Variants in NR1I2 observed in about 807,000 individuals in gnomAD.
NR1I2 encodes the protein orphan nuclear receptor PAR1.
A neutral mutation model predicts 43.3 loss-of-function variants in NR1I2; 42 were observed. The observed-to-expected ratio is 0.97, with a 90% CI of 0.76 to 1.26. The LOEUF (loss-of-function observed/expected upper bound fraction) is 1.26, where lower values mean the gene tolerates loss of function less well. NR1I2 is among the 50% of genes most tolerant of loss of function. The pLI, the probability that NR1I2 is intolerant of heterozygous loss-of-function variation, is 0.00. For synonymous variants in NR1I2, 229 were observed against 215.0 expected, an observed-to-expected ratio of 1.06 and a Z score of -0.57; for missense variants, 559 against 566.7, an observed-to-expected ratio of 0.99 and a Z score of 0.14.
Position 119,787,478 on chromosome 3 carries a change from T to C in NR1I2, c.-23+5178T>C, listed in dbSNP as rs555383327. Among the ~76,000 whole-genome samples, 7 of 152,144 alleles carry C rather than the reference T, an allele frequency of 4.6e-5. No individual in the cohort carries two copies. The South Asian group carries it at 1.2e-3, about 27-fold the overall frequency. On this transcript the variant is annotated intron_variant, in intron 1 of 8. Transcript: ENST00000393716. ...ATGAAGTTGTAATTTTGAAATCATT[T>C]TGTAAACAGCAAAACTTGTGCAAAT... is the stretch of plus-strand genomic sequence containing the variant.
chr3:119,815,857 C>G (rs978735145), intron 8 of NR1I2, 26 bp downstream of exon 8: 3 of 1,563,636 alleles, frequency 1.9e-6, no homozygotes, highest in African/African-American at 2.7e-5. Flanking sequence ...GGTGAGGACC[C>G]GTGAGGGTGA....
rs1164809663 is a variant in NR1I2 at position 119,782,133 on chromosome 3, G to A, written c.-190G>A. On this transcript the variant is annotated 5_prime_UTR_variant, in exon 1 of 9. Coordinates refer to ENST00000393716, the MANE Select transcript of NR1I2 (RefSeq NM_003889.4). ...TCAGTGGGAATCTCGGCCTCAGCCT[G>A]CAAGCCAAGTGTTCACAGTGAGAAA... 2 of 152,446 alleles carry A rather than the reference G, an allele frequency of 1.3e-5. No individual in the cohort carries two copies. The highest frequency in any genetic ancestry group is 2.4e-5 in the African/African-American group (1 of 41,452). 9.4% of individuals were successfully genotyped at this position (152,446 alleles called of 1,614,324 possible). A position where few individuals can be genotyped will look rare whatever the true frequency, so the allele number is the denominator to read the frequency against.
intron 1 of NR1I2, among the ~76,000 whole-genome samples, chr3:119,799,134 C>G (rs2055041568): frequency 6.6e-6 from 1 of 152,150 alleles, no homozygotes; most frequent in Non-Finnish European, 1.5e-5. Context: ...TCTTAAGTGG[C>G]TGCACCATTT....
In NR1I2 at chr3:119,815,393, TG is replaced by T; in HGVS notation, c.1009del (p.Glu337ArgfsTer6). On this transcript the variant is annotated frameshift_variant, in exon 7 of 9. Coordinates refer to ENST00000393716, the MANE Select transcript of NR1I2 (RefSeq NM_003889.4). LOFTEE classifies it high-confidence loss of function. ...ACATGCTGAAGAAGCTGCAGCTGCA[TG>T]AGGAGGAGTATGTGCTGATGCAGGC... 1.2e-6 allele frequency: 2 copies of T among 1,613,606 alleles called. No homozygotes were observed. Among genetic ancestry groups the T allele is most frequent in the South Asian group, 2.2e-5 (2 of 91,068 alleles).
At chr3:119,806,497 G>T (rs373523812) in intron 1 of NR1I2, among the ~76,000 whole-genome samples, 2 of 151,928 alleles carry the variant, frequency 1.3e-5, no homozygotes, top group East Asian at 1.9e-4. Flanking sequence ...TGTTGCCCAG[G>T]CTGGTCTCAG....
chr3:119,793,439 G>A (rs1354769864), intron 1 of NR1I2, among the ~76,000 whole-genome samples: 2 of 152,134 alleles, frequency 1.3e-5, no homozygotes, highest in African/African-American at 4.8e-5. Context: ...TGGGCCAAGC[G>A]ATCCCAACTC....
At position 119,814,992 on chromosome 3, in the gene NR1I2, G is replaced by A. The variant is rs765752068; in HGVS notation, c.808G>A (p.Glu270Lys). ...CCTTGCTGCCAGGGACTTGCCCATC[G>A]AGGACCAGATCTCCCTGCTGAAGGG... Residue 270 changes from glutamate to lysine, a missense_variant, in exon 6 of 9, where the codon GAG becomes AAG. Transcript: ENST00000393716. 5 of 1,614,032 alleles carry A rather than the reference G, an allele frequency of 3.1e-6. No homozygotes were observed. Among genetic ancestry groups the A allele is most frequent in the Admixed American group, 1.7e-5 (1 of 60,004 alleles).
intron 1 of NR1I2, chr3:119,782,903 A>G (rs765718488): frequency 3.4e-6 from 5 of 1,450,356 alleles, no homozygotes; most frequent in Non-Finnish European, 4.8e-6. Flanking sequence ...CACAGAACCG[A>G]GTCTTGCCTG....
At chr3:119,797,186 A>ATGTGTGTGTGTG (rs60261128) in intron 1 of NR1I2, among the ~76,000 whole-genome samples, 21,716 of 144,930 alleles carry the variant, frequency 0.15, 1,757 homozygotes, top group East Asian at 0.27. Context: ...GCACAAAGAT[A>ATGTGTGTGTGTG]TGTGTGTGTG....
Position 119,794,858 on chromosome 3 carries a change from G to GGCACACTGC in NR1I2, c.-22-12371_-22-12370insGCACACTGC, listed in dbSNP as rs199627489. On this transcript the variant is annotated intron_variant, in intron 1 of 8. Coordinates refer to ENST00000393716, the MANE Select transcript of NR1I2 (RefSeq NM_003889.4). ...GGAGGCTGAGCCAGGAGAATTGCTT[G>GGCACACTGC]AACCCAGGAGGCACAGGTTGCAGTG... Among the ~76,000 whole-genome samples, 797 of 152,320 alleles carry GGCACACTGC rather than the reference G, an allele frequency of 5.2e-3. 34 individuals carry two copies. The East Asian group carries it at 0.11, about 21-fold the overall frequency.
At chr3:119,812,009 C>T (rs1204254202) in intron 4 of NR1I2, among the ~76,000 whole-genome samples, 1 of 152,126 alleles carries the variant, frequency 6.6e-6, no homozygotes, top group East Asian at 1.9e-4. Flanking sequence ...GCAGGACCCC[C>T]CGGTGATTCT....
At chr3:119,798,281 G>C (rs149806224) in intron 1 of NR1I2, among the ~76,000 whole-genome samples, 1 of 152,002 alleles carries the variant, frequency 6.6e-6, no homozygotes, top group African/African-American at 2.4e-5. Context: ...CACTATCACT[G>C]TCTGTTGCTG....
intron 1 of NR1I2, among the ~76,000 whole-genome samples, chr3:119,805,474 G>C (rs865845668): frequency 6.6e-5 from 10 of 151,902 alleles, no homozygotes; most frequent in African/African-American, 2.4e-4. Context: ...AGGCTGAGGC[G>C]GGCAGATCAC....
rs138512680 is a variant in NR1I2 at position 119,817,136 on chromosome 3, G to A, written c.1229G>A (p.Arg410Gln). 2.8e-5 allele frequency: 45 copies of A among 1,614,148 alleles called. No homozygotes were observed. In the African/African-American group the frequency reaches 4.7e-4, roughly 17 times the overall value. The change falls in exon 9 of 9, where the codon CGG (arginine) becomes CAG (glutamine). Residue 410 changes from arginine (R) to glutamine (Q), a missense_variant. Coordinates refer to ENST00000393716, the MANE Select transcript of NR1I2 (RefSeq NM_003889.4). ...AGCATCAATGCTCAGCACACCCAGC[G>A]GCTGCTGCGCATCCAGGACATACAC...
At chr3:119,806,598 A>G (rs775661844) in intron 1 of NR1I2, among the ~76,000 whole-genome samples, 1 of 152,100 alleles carries the variant, frequency 6.6e-6, no homozygotes, top group Non-Finnish European at 1.5e-5. Context: ...AGCTCTATTA[A>G]TAGGCACAAG....
intron 2 of NR1I2, among the ~76,000 whole-genome samples, chr3:119,808,916 T>C (rs2055196803): frequency 6.6e-6 from 1 of 152,234 alleles, no homozygotes; most frequent in Non-Finnish European, 1.5e-5. Context: ...TGGACTTTGA[T>C]GTAGCATCAG....
intron 1 of NR1I2, among the ~76,000 whole-genome samples, chr3:119,793,041 C>A (rs1332513602): frequency 6.6e-6 from 1 of 151,998 alleles, no homozygotes; most frequent in Non-Finnish European, 1.5e-5. Context: ...GTTTAAAGAG[C>A]CCGGCACCTC....
intron 3 of NR1I2, 66 bp downstream of exon 3, chr3:119,810,260 G>T: frequency 1.9e-6 from 3 of 1,542,660 alleles, no homozygotes. Context: ...ACGTGCCGTG[G>T]GTGTGGGCAT....
At chr3:119,782,892 C>A in intron 1 of NR1I2, 1 of 1,515,054 alleles carries the variant, frequency 6.6e-7, no homozygotes, top group South Asian at 1.1e-5. Context: ...GCACCTTGTC[C>A]CACAGAACCG....
Sources: gnomAD v4.1 joint callset for allele counts (sites outside exome capture counted in the v4.1 genomes callset) on GRCh38, gnomAD v4.1.1 for gene constraint, MANE v1.5 for transcripts, NCBI Gene and HGNC (gene_info 2026-07-23, HGNC 2026-07-21) for gene names.